The following AMN variants were observed in gnomAD, a reference collection of about 807,000 sequenced individuals.
AMN encodes amnion associated transmembrane protein.
In AMN, 40 loss-of-function variants were observed where a neutral mutation model predicts 49.1. The observed-to-expected ratio is 0.81, with a 90% CI of 0.63 to 1.06. The LOEUF (loss-of-function observed/expected upper bound fraction) is 1.06, where lower values mean the gene tolerates loss of function less well. Ranked by LOEUF, AMN falls within the 50% of genes least tolerant of loss-of-function variation. AMN has a pLI of 0.00. For synonymous variants in AMN, 380 were observed against 313.3 expected (o/e 1.21, Z -2.25); for missense variants, 701 against 662.8 (o/e 1.06, Z -0.63).
At chr14:102,928,592 G>A (rs574329350) in intron 4 of AMN, 79 bp downstream of exon 4, 23 of 1,520,732 alleles carry the variant, frequency 1.5e-5, no homozygotes, top group Non-Finnish European at 2.0e-5. Context: ...CGTCGAGGGG[G>A]GCGAGGACCG....
rs777378282 is a variant in AMN, at chr14:102,928,481, C to T, written c.263C>T (p.Ser88Leu). The stretch of plus-strand genomic sequence containing the variant: ...GCTTCAGGAGCCGGATTCGGCGTCT[C>T]AGACGTGGGCTCGCACCTGGACTGT... ...VLASGAGFGV[S>L]DVGSHLDCGA... Residue 88 changes from serine to leucine, a missense_variant, in exon 4 of 12, where the codon TCA becomes TTA. Coordinates refer to ENST00000299155, the MANE Select transcript of AMN (RefSeq NM_030943.4). 6 of 1,609,578 alleles carry T rather than the reference C, an allele frequency of 3.7e-6. No homozygotes were observed. In the Admixed American group the frequency reaches 6.7e-5, roughly 18 times the overall value.
chr14:102,929,379 G>A (rs919847262), intron 6 of AMN, 49 bp from the exon 7 acceptor site: 1 of 1,517,524 alleles, frequency 6.6e-7, no homozygotes, highest in East Asian at 2.5e-5. Context: ...CGCCCTTCTC[G>A]CTGCGGTCCG....
At chr14:102,924,022 A>C (rs779277289) in intron 3 of AMN, 43 bp downstream of exon 3, 2 of 1,612,942 alleles carry the variant, frequency 1.2e-6, no homozygotes, top group Non-Finnish European at 1.7e-6. Flanking sequence ...GGGTTCACAG[A>C]GTCTCTGAAG....
rs933306677 is a variant in AMN at position 102,924,102 on chromosome 14, T to C, written c.207+123T>C. The C allele has an allele frequency of 8.5e-6, 12 of 1,408,716 alleles. No individual in the cohort carries two copies. In the South Asian group the frequency reaches 1.4e-4, roughly 16 times the overall value. 87.3% of individuals were successfully genotyped at this position (1,408,716 alleles called of 1,614,324 possible). ...TGGAGGCACTGCAGGACTGGGACTT[T>C]GGCCTCTGGAGAATATTCTAGGAGG... On this transcript the variant is annotated intron_variant, in intron 3 of 11. Coordinates refer to ENST00000299155, the MANE Select transcript of AMN (RefSeq NM_030943.4).
chr14:102,922,892 G>T lies in AMN; in HGVS notation c.43+161G>T. 4.8e-6 allele frequency: 5 copies of T among 1,044,284 alleles called. No homozygotes were observed. In the South Asian group the frequency reaches 8.0e-5, roughly 17 times the overall value. The allele number at this position is 1,044,284 out of a possible 1,614,324, so 64.7% of individuals were successfully genotyped here. A position where few individuals can be genotyped will look rare whatever the true frequency, so the allele number is the denominator to read the frequency against. ...AAACTCGGCCCTGCCTCCCTCGTCT[G>T]GCGAGTGCGCAGCCCGGAAGTGCGC... On this transcript the variant is annotated intron_variant, in intron 1 of 11. Coordinates refer to ENST00000299155, the MANE Select transcript of AMN (RefSeq NM_030943.4).
At chr14:102,924,908 GA>G (rs35919524) in intron 3 of AMN, among the ~76,000 whole-genome samples, 39,527 of 152,114 alleles carry the variant, frequency 0.26, 5,992 homozygotes, top group Non-Finnish European at 0.34. Context: ...AATCGTTGGG[GA>G]AAAAAAGAAC....
chr14:102,925,854 C>T (rs771443276), intron 3 of AMN, among the ~76,000 whole-genome samples: 1 of 152,164 alleles, frequency 6.6e-6, no homozygotes. Flanking sequence ...CCCCTGCCCG[C>T]GTCGGCTATG....
rs750576347 is a variant in AMN at position 102,923,995 on chromosome 14, T to C, written c.207+16T>C. The stretch of plus-strand genomic sequence containing the variant: ...CTCAGACATGGTAAGGCCGGGCTGC[T>C]ACTGCCACTGGGCTGGGGGTTCACA... On this transcript the variant is annotated intron_variant, in intron 3 of 11. Coordinates refer to ENST00000299155, the MANE Select transcript of AMN (RefSeq NM_030943.4). The C allele has an allele frequency of 1.9e-6, 3 of 1,613,256 alleles. No homozygotes were observed. The highest frequency in any genetic ancestry group is 2.5e-6 in the Non-Finnish European group (3 of 1,180,014).
intron 1 of AMN, chr14:102,923,188 C>G (rs1566825030): frequency 1.3e-5 from 3 of 238,174 alleles, no homozygotes; most frequent in Non-Finnish European, 1.7e-5. Flanking sequence ...CCTCGCGGCT[C>G]CCTCAGGACA....
chr14:102,930,179 G>A lies in AMN; in HGVS notation c.1021G>A (p.Val341Ile). 1.3e-6 allele frequency: 2 copies of A among 1,483,892 alleles called. No individual in the cohort carries two copies. Among genetic ancestry groups the A allele is most frequent in the East Asian group, 2.8e-5 (1 of 35,556 alleles). The allele number at this position is 1,483,892 out of a possible 1,614,324, so 91.9% of individuals were successfully genotyped here. Residue 341 changes from valine (V) to isoleucine (I), a missense_variant, in exon 10 of 12, where the codon GTC becomes ATC. By Grantham distance (29) the Val-to-Ile change is conservative (BLOSUM62 3). Transcript: ENST00000299155. ...DVAENGEALG[V>I]LEATMRESGA... Reference sequence around the variant, plus strand: ...CTCCGTCGCAGGCGAGGCCCTCGGCGTCCTGGAGGCGACCATGCGGGAGTC... The same window carrying A: ...CTCCGTCGCAGGCGAGGCCCTCGGCATCCTGGAGGCGACCATGCGGGAGTC...
rs1048886875 is a variant in AMN, at chr14:102,926,536, A to G, written c.208-1890A>G. Among the ~76,000 whole-genome samples, 7 of 151,824 alleles carry G rather than the reference A, an allele frequency of 4.6e-5. No homozygotes were observed. The South Asian group carries it at 1.2e-3, about 27-fold the overall frequency. ...CATTGTTGCAGATAAATTGTAGAAT[A>G]GGTTTGCCAGGTAACAACTACCACC... On this transcript the variant is annotated intron_variant, in intron 3 of 11. Coordinates refer to ENST00000299155, the MANE Select transcript of AMN (RefSeq NM_030943.4).
intron 1 of AMN, chr14:102,923,412 C>G (rs1595430115): frequency 2.3e-6 from 1 of 442,618 alleles, no homozygotes; most frequent in Non-Finnish European, 4.2e-6. Context: ...ACGCTGTCCT[C>G]TGCTCCAGCG....
In AMN at chr14:102,923,842, GC is replaced by G; in HGVS notation, c.162+15del. On this transcript the variant is annotated intron_variant, in intron 2 of 11. Transcript: ENST00000299155. ...CCCGGCGGACAAGGTGCCTGGGAGC[GC>G]CGGCGGGGTCGGTGATGGGCCTGGA... 6.2e-7 allele frequency: 1 copy of G among 1,612,494 alleles called. No homozygotes were observed. The highest frequency in any genetic ancestry group is 1.1e-5 in the South Asian group (1 of 91,068).
At chr14:102,929,293 G>A in intron 6 of AMN, 35 bp downstream of exon 6, 3 of 1,433,280 alleles carry the variant, frequency 2.1e-6, no homozygotes, top group Non-Finnish European at 2.7e-6. Context: ...CGGGGGCCGC[G>A]CGAGGGTCGG....
At position 102,930,508 on chromosome 14, in the gene AMN, G is replaced by C; in HGVS notation, c.1257+15G>C. On this transcript the variant is annotated intron_variant, in intron 11 of 11. Transcript: ENST00000299155. Reference sequence around the variant, plus strand: ...CCGAGGAGCTGGTGAGGGGGCTGGAGGGGGGACCGGGGCCTCCTCGGGGCC... The same window carrying C: ...CCGAGGAGCTGGTGAGGGGGCTGGACGGGGGACCGGGGCCTCCTCGGGGCC... 6.5e-7 allele frequency: 1 copy of C among 1,538,814 alleles called. No individual in the cohort carries two copies. Among genetic ancestry groups the C allele is most frequent in the Non-Finnish European group, 8.7e-7 (1 of 1,143,666 alleles).
At chr14:102,929,315 G>C (rs1891273199) in intron 6 of AMN, 57 bp downstream of exon 6, 1 of 1,463,248 alleles carries the variant, frequency 6.8e-7, no homozygotes. Context: ...ACTGTGCCCG[G>C]GACAGGGCCG....
chr14:102,924,635 G>T (rs1282838650), intron 3 of AMN, among the ~76,000 whole-genome samples: 1 of 152,194 alleles, frequency 6.6e-6, no homozygotes, highest in Non-Finnish European at 1.5e-5. Flanking sequence ...GTTGGGGACT[G>T]CTGCCCTAGG....
chr14:102,925,361 C>A (rs1190227), intron 3 of AMN, among the ~76,000 whole-genome samples: 99,764 of 152,142 alleles, frequency 0.66, 34,100 homozygotes, highest in African/African-American at 0.86. Context: ...CGCTTGGTTC[C>A]TTCCTTCAGG....
intron 3 of AMN, among the ~76,000 whole-genome samples, chr14:102,924,811 A>G (rs928098893): frequency 5.9e-5 from 9 of 152,206 alleles, no homozygotes; most frequent in Admixed American, 2.0e-4. Flanking sequence ...GAAAGAAGCT[A>G]ATTTCCTTGT....
Sources: allele counts gnomAD v4.1 joint callset (sites outside exome capture counted in the v4.1 genomes callset), GRCh38; gene constraint gnomAD v4.1.1; transcripts MANE v1.5; gene names NCBI Gene and HGNC (gene_info 2026-07-23, HGNC 2026-07-21).